Variants in WASHC2C observed in about 807,000 individuals in gnomAD.
The protein encoded by WASHC2C is Vaccinia Penetration Factor.
In WASHC2C, 73 loss-of-function variants were observed where a neutral mutation model predicts 142.2. The observed-to-expected ratio is 0.51, with a 90% CI of 0.43 to 0.62. WASHC2C has a LOEUF of 0.62. Among genes scored for constraint, WASHC2C ranks in the 20% least tolerant of loss-of-function variants. The probability of loss-of-function intolerance (pLI) is 0.00; values close to 1 mark genes in which losing one functional copy is unlikely to be tolerated. For synonymous variants in WASHC2C, 337 were observed against 565.5 expected, an observed-to-expected ratio of 0.60 and a Z score of 5.73; for missense variants, 969 against 1,531.7, an observed-to-expected ratio of 0.63 and a Z score of 6.13.
At chr10:45,738,195 T>C (rs1320885453) in intron 4 of WASHC2C, 150 bp downstream of exon 4, 2 of 1,509,000 alleles carry the variant, frequency 1.3e-6, no homozygotes, top group Non-Finnish European at 1.8e-6. Flanking sequence ...ATTCTTTCCT[T>C]TGTTTCTGAA....
chr10:45,786,211 T>TC (rs1431618861), intron 26 of WASHC2C, among the ~76,000 whole-genome samples: 1 of 152,102 alleles, frequency 6.6e-6, no homozygotes, highest in Non-Finnish European at 1.5e-5. Context: ...CACTGACCCT[T>TC]CCTGGGGCTC....
At position 45,790,507 on chromosome 10, in the gene WASHC2C, C is replaced by T; in HGVS notation, c.3860C>T (p.Ala1287Val). The part of the protein sequence containing the change: ...PKEKSKKKVE[A>V]KSIFDDDMDD... ...GAAAAGTCCAAAAAGAAAGTGGAAG[C>T]CAAGTCTATATTTGATGATGATATG... is the stretch of plus-strand genomic sequence containing the variant. The change falls in exon 30 of 31, where the codon GCC becomes GTC. Residue 1287 changes from alanine to valine, a missense_variant. Physicochemically the swap from Ala to Val is moderately conservative, Grantham distance 64. Transcript: ENST00000623400. The T allele has an allele frequency of 1.9e-6, 3 of 1,611,324 alleles. No individual in the cohort carries two copies. Among genetic ancestry groups the T allele is most frequent in the Non-Finnish European group, 2.5e-6 (3 of 1,179,688 alleles).
At chr10:45,783,535 C>G (rs1181802407) in intron 23 of WASHC2C, among the ~76,000 whole-genome samples, 1 of 152,134 alleles carries the variant, frequency 6.6e-6, no homozygotes, top group East Asian at 1.9e-4. Flanking sequence ...GATCTCGGCC[C>G]ACTGCAGCCT....
At position 45,792,458 on chromosome 10, in the gene WASHC2C, T is replaced by C. The variant is rs1447617992; in HGVS notation, c.*58T>C. 12 of 1,560,202 alleles carry C rather than the reference T, an allele frequency of 7.7e-6. 1 individual carries two copies. The African/African-American group carries it at 9.6e-5, about 13-fold the overall frequency. ...CTACATTGTTGAGTTAGTGATGATA[T>C]TGTATATGCTCATGGTCTTAACTGG... On this transcript the variant is annotated 3_prime_UTR_variant, in exon 31 of 31. Transcript: ENST00000623400.
intron 18 of WASHC2C, among the ~76,000 whole-genome samples, chr10:45,764,986 C>G (rs1198295522): frequency 1.3e-5 from 2 of 152,174 alleles, no homozygotes; most frequent in Non-Finnish European, 2.9e-5. Flanking sequence ...TTTGTCCATC[C>G]TAACTCAGAC....
chr10:45,769,142 G>C (rs1210208867), intron 19 of WASHC2C, among the ~76,000 whole-genome samples: 2 of 151,860 alleles, frequency 1.3e-5, no homozygotes, highest in Non-Finnish European at 2.9e-5. Flanking sequence ...TTTTGAGACA[G>C]AGTCTCGCTC....
chr10:45,781,011 C>A (rs1356829845), intron 23 of WASHC2C, among the ~76,000 whole-genome samples: 1 of 151,578 alleles, frequency 6.6e-6, no homozygotes, highest in Non-Finnish European at 1.5e-5. Flanking sequence ...GCCTTAGCCT[C>A]CCGAAGTGCT....
chr10:45,784,313 C>T (rs201314958), intron 23 of WASHC2C, among the ~76,000 whole-genome samples: 599 of 58,024 alleles, frequency 0.01, 6 homozygotes, highest in African/African-American at 0.034. Flanking sequence ...TATATATATA[C>T]ACACACATAT....
Position 45,727,278 on chromosome 10 carries a change from G to A in WASHC2C, c.-40G>A, listed in dbSNP as rs988927154. ...TCCGGGGCTCTGCGGTCCTCGGCCT[G>A]TGCTGGCAGCCTCGGAGCCCACCGA... On this transcript the variant is annotated 5_prime_UTR_variant, in exon 1 of 31. The change creates a new upstream start codon in the 5' untranslated region. Coordinates refer to ENST00000623400, the MANE Select transcript of WASHC2C (RefSeq NM_001330074.2). The A allele has an allele frequency of 2.6e-6, 4 of 1,551,150 alleles. No individual in the cohort carries two copies. The highest frequency in any genetic ancestry group is 2.0e-5 in the Admixed American group (1 of 50,708).
chr10:45,736,437 A>C (rs1335169603), intron 3 of WASHC2C, among the ~76,000 whole-genome samples: 2 of 138,784 alleles, frequency 1.4e-5, no homozygotes, highest in Non-Finnish European at 3.1e-5. Context: ...AAAAAAAAAA[A>C]GGGCAAAAAC....
intron 8 of WASHC2C, among the ~76,000 whole-genome samples, chr10:45,747,488 T>A (rs1259664877): frequency 6.6e-6 from 1 of 152,254 alleles, no homozygotes; most frequent in Non-Finnish European, 1.5e-5. Flanking sequence ...TAAACTTCTA[T>A]ACTTTTAAAC....
At chr10:45,787,587 A>G (rs1281903355) in intron 28 of WASHC2C, among the ~76,000 whole-genome samples, 1 of 149,748 alleles carries the variant, frequency 6.7e-6, no homozygotes, top group Non-Finnish European at 1.5e-5. Context: ...GCGCTTCCTC[A>G]CTACTCCAAG....
chr10:45,749,767 A>C (rs1362611637), intron 8 of WASHC2C, among the ~76,000 whole-genome samples: 6 of 147,440 alleles, frequency 4.1e-5, no homozygotes, highest in Non-Finnish European at 7.4e-5. Flanking sequence ...CAGAGGTTTC[A>C]GTGAGCCGAG....
intron 8 of WASHC2C, among the ~76,000 whole-genome samples, chr10:45,747,645 C>G (rs1442030431): frequency 3.3e-5 from 5 of 150,448 alleles, no homozygotes; most frequent in Non-Finnish European, 7.4e-5. Context: ...GGCTGGAGTG[C>G]AGTGGTGTGA....
chr10:45,749,070 T>C (rs2053211259), intron 8 of WASHC2C, among the ~76,000 whole-genome samples: 1 of 152,194 alleles, frequency 6.6e-6, no homozygotes, highest in Non-Finnish European at 1.5e-5. Flanking sequence ...CTTTTAACTA[T>C]TACTCAGTAT....
At chr10:45,741,116 T>A (rs1222986949) in intron 5 of WASHC2C, among the ~76,000 whole-genome samples, 1 of 151,604 alleles carries the variant, frequency 6.6e-6, no homozygotes, top group African/African-American at 2.4e-5. Flanking sequence ...CCCAGCTAAT[T>A]TTTGTATTTT....
At chr10:45,743,983 A>G (rs1564718492) in intron 6 of WASHC2C, among the ~76,000 whole-genome samples, 1 of 151,088 alleles carries the variant, frequency 6.6e-6, no homozygotes, top group Admixed American at 6.6e-5. Flanking sequence ...TCCTGACCTC[A>G]TGATCTGCCC....
At chr10:45,789,956 G>A (rs1438919717) in intron 29 of WASHC2C, among the ~76,000 whole-genome samples, 3,845 of 152,300 alleles carry the variant, frequency 0.025, 56 homozygotes, top group East Asian at 0.052. Flanking sequence ...CCTGGGGACT[G>A]CAGGCACAAG....
rs782203441 is a variant in WASHC2C, at chr10:45,786,658, G to A, written c.2858G>A (p.Arg953Gln). ...APFKTKEPSTRIGKIQANLAI... is the reference protein window; with the variant it reads ...APFKTKEPSTQIGKIQANLAI... ...TTTAAAACCAAAGAACCATCCACTC[G>A]GATCGGGAAGATACAAGTAATTAAA... Residue 953 changes from arginine to glutamine, a missense_variant, in exon 27 of 31, where the codon CGG (arginine) becomes CAG (glutamine). Arg to Gln is a conservative substitution (Grantham distance 43). Coordinates refer to ENST00000623400, the MANE Select transcript of WASHC2C (RefSeq NM_001330074.2). 1.7e-5 allele frequency: 28 copies of A among 1,611,674 alleles called. No individual in the cohort carries two copies. In the East Asian group the frequency reaches 3.1e-4, roughly 18 times the overall value.
Sources: allele counts gnomAD v4.1 joint callset (sites outside exome capture counted in the v4.1 genomes callset), GRCh38; gene constraint gnomAD v4.1.1; transcripts MANE v1.5; gene names NCBI Gene and HGNC (gene_info 2026-07-23, HGNC 2026-07-21).